Variants in NTNG1 observed in about 807,000 individuals in gnomAD.
NTNG1 encodes the protein netrin-G1.
Under a neutral mutation model 54.0 loss-of-function variants are expected in NTNG1, and 16 were observed. That is an observed-to-expected ratio of 0.30 (90% CI 0.20 to 0.45). The LOEUF is 0.45. Ranked by LOEUF, NTNG1 falls within the 20% of genes least tolerant of loss-of-function variation. The probability of loss-of-function intolerance (pLI) is 1.00; values close to 1 mark genes in which losing one functional copy is unlikely to be tolerated. For missense variants in NTNG1, 530 were observed against 678.7 expected (o/e 0.78, Z 2.43); for synonymous variants, 255 against 263.1 (o/e 0.97, Z 0.30).
chr1:107,162,470 A>G (rs1023753570), intron 2 of NTNG1, among the ~76,000 whole-genome samples: 3 of 152,202 alleles, frequency 2.0e-5, no homozygotes, highest in Non-Finnish European at 2.9e-5. Flanking sequence ...GTAAAACTCT[A>G]TGTACTATGC....
chr1:107,241,019 G>A (rs1661789157), intron 2 of NTNG1, among the ~76,000 whole-genome samples: 1 of 151,586 alleles, frequency 6.6e-6, no homozygotes, highest in African/African-American at 2.4e-5. Flanking sequence ...CTTACTTTTT[G>A]GAAGTAACTA....
intron 2 of NTNG1, among the ~76,000 whole-genome samples, chr1:107,193,373 A>C (rs1386934432): frequency 6.6e-6 from 1 of 152,058 alleles, no homozygotes; most frequent in Non-Finnish European, 1.5e-5. Flanking sequence ...GAACACTTCC[A>C]CATCTCAGAA....
intron 2 of NTNG1, among the ~76,000 whole-genome samples, chr1:107,168,175 A>G (rs1655950702): frequency 6.6e-6 from 1 of 151,730 alleles, no homozygotes. Context: ...CATCCCCCTT[A>G]TTTCCTTCCT....
intron 5 of NTNG1, among the ~76,000 whole-genome samples, chr1:107,425,490 A>G (rs944649392): frequency 6.6e-6 from 1 of 152,096 alleles, no homozygotes; most frequent in African/African-American, 2.4e-5. Context: ...AGCTCCATCC[A>G]TGTTGCTGCA....
rs954961797 is a variant in NTNG1 at position 107,481,685 on chromosome 1, T to C, written c.*845T>C. On this transcript the variant is annotated 3_prime_UTR_variant, in exon 8 of 8. Coordinates refer to ENST00000370068, the MANE Select transcript of NTNG1 (RefSeq NM_001113226.3). ...TATTTTGTCCTCTTTCGTTCTGTTT[T>C]GTTTCACTGTGCAGAGATTTCTCTG... The C allele has an allele frequency of 1.3e-5, 2 of 152,674 alleles. No individual in the cohort carries two copies. The highest frequency in any genetic ancestry group is 2.9e-5 in the Non-Finnish European group (2 of 68,048). 9.5% of individuals were successfully genotyped at this position (152,674 alleles called of 1,614,324 possible).
At chr1:107,363,582 A>G (rs1438307073) in intron 3 of NTNG1, among the ~76,000 whole-genome samples, 1 of 152,208 alleles carries the variant, frequency 6.6e-6, no homozygotes, top group Non-Finnish European at 1.5e-5. Context: ...TGCTAATAAT[A>G]TCAGTCTCTT....
chr1:107,300,598 T>C (rs1666256598), intron 2 of NTNG1, among the ~76,000 whole-genome samples: 1 of 152,170 alleles, frequency 6.6e-6, no homozygotes, highest in Admixed American at 6.5e-5. Context: ...AGTATAAAAA[T>C]TTGTAAGTTA....
chr1:107,161,939 G>GAA (rs5776880), intron 2 of NTNG1, among the ~76,000 whole-genome samples: 13 of 147,108 alleles, frequency 8.8e-5, no homozygotes, highest in East Asian at 2.0e-4. Flanking sequence ...CCATCCTGGA[G>GAA]AAAAAAAAAA....
In NTNG1 at chr1:107,418,637, C is replaced by T. The variant is rs927572849; in HGVS notation, c.1087+10929C>T. ...ATTTCTTCCCTTGAGGTTTCTAACCCAAAACAAGGTAGGAGCATGTAAAAT... is the reference window on the plus strand; with the variant it reads ...ATTTCTTCCCTTGAGGTTTCTAACCTAAAACAAGGTAGGAGCATGTAAAAT... On this transcript the variant is annotated intron_variant, in intron 5 of 7. Coordinates refer to ENST00000370068, the MANE Select transcript of NTNG1 (RefSeq NM_001113226.3). 2.8e-5 allele frequency: 45 copies of T among 1,595,896 alleles called. 1 individual carries two copies. Among genetic ancestry groups the T allele is most frequent in the Non-Finnish European group, 3.5e-5 (41 of 1,169,782 alleles).
At chr1:107,221,421 T>A in intron 2 of NTNG1, among the ~76,000 whole-genome samples, 1 of 152,134 alleles carries the variant, frequency 6.6e-6, no homozygotes, top group Non-Finnish European at 1.5e-5. Context: ...GTTGGAAGAT[T>A]CCAAGCAAGG....
At chr1:107,480,580 A>ACCCCCC in intron 7 of NTNG1, 31 bp from the exon 8 acceptor site, 3 of 218,704 alleles carry the variant, frequency 1.4e-5, no homozygotes, top group South Asian at 1.0e-4. Context: ...CCCCGCGCCC[A>ACCCCCC]CCCACCCCTA....
chr1:107,480,508 AT>A (rs934926522), intron 7 of NTNG1, 102 bp from the exon 8 acceptor site: 7,347 of 615,126 alleles, frequency 0.012, no homozygotes, highest in South Asian at 0.017. Context: ...ATCGATAGAG[AT>A]TTTTTTTTTA....
At chr1:107,254,044 A>ACT (rs911748358) in intron 2 of NTNG1, among the ~76,000 whole-genome samples, 5 of 152,218 alleles carry the variant, frequency 3.3e-5, no homozygotes, top group African/African-American at 1.2e-4. Context: ...ATTGCTTCTT[A>ACT]CATTTACCTT....
At chr1:107,152,197 A>G (rs548872062) in intron 2 of NTNG1, among the ~76,000 whole-genome samples, 19 of 152,084 alleles carry the variant, frequency 1.2e-4, no homozygotes, top group Non-Finnish European at 2.8e-4. Flanking sequence ...GTTTTTGTCA[A>G]TGGGGAAGAA....
intron 2 of NTNG1, among the ~76,000 whole-genome samples, chr1:107,164,426 A>G (rs1655624905): frequency 6.6e-6 from 1 of 152,236 alleles, no homozygotes; most frequent in Admixed American, 6.5e-5. Context: ...GGGTGATAAA[A>G]GTAACAAGTG....
At chr1:107,379,353 G>A (rs554501027) in intron 3 of NTNG1, among the ~76,000 whole-genome samples, 5 of 152,266 alleles carry the variant, frequency 3.3e-5, no homozygotes, top group East Asian at 1.9e-4. Context: ...TTCCACCTTC[G>A]TTTCAGATGC....
intron 2 of NTNG1, among the ~76,000 whole-genome samples, chr1:107,255,097 T>C (rs1233582498): frequency 6.6e-6 from 1 of 152,200 alleles, no homozygotes; most frequent in Non-Finnish European, 1.5e-5. Flanking sequence ...GGAAGCATTA[T>C]AACTAATATG....
intron 2 of NTNG1, among the ~76,000 whole-genome samples, chr1:107,257,670 G>T (rs1663017866): frequency 6.6e-6 from 1 of 152,194 alleles, no homozygotes; most frequent in African/African-American, 2.4e-5. Context: ...GATGGGCACT[G>T]TGTGGGGGGA....
At chr1:107,480,547 C>A in intron 7 of NTNG1, 64 bp from the exon 8 acceptor site, 3 of 982,894 alleles carry the variant, frequency 3.1e-6, no homozygotes, top group Non-Finnish European at 3.0e-6. Context: ...ACCAGATGAA[C>A]TTCAATTGAT....
Sources: gnomAD v4.1 joint callset for allele counts (sites outside exome capture counted in the v4.1 genomes callset) on GRCh38, gnomAD v4.1.1 for gene constraint, MANE v1.5 for transcripts, NCBI Gene and HGNC (gene_info 2026-07-23, HGNC 2026-07-21) for gene names.